The following RASGRF2 variants were observed in gnomAD, a reference collection of about 807,000 sequenced individuals.
RASGRF2 encodes ras-specific guanine nucleotide-releasing factor 2.
RASGRF2 carries 76 observed loss-of-function variants against 151.0 expected under a neutral mutation model. That is an observed-to-expected ratio of 0.50 (90% CI 0.42 to 0.61). The LOEUF (loss-of-function observed/expected upper bound fraction) is 0.61, where lower values mean the gene tolerates loss of function less well. Ranked by LOEUF, RASGRF2 falls within the 20% of genes least tolerant of loss-of-function variation. The pLI is 0.00. For synonymous variants in RASGRF2, 504 were observed against 566.5 expected, an observed-to-expected ratio of 0.89 and a Z score of 1.57; for missense variants, 1,148 against 1,564.6, an observed-to-expected ratio of 0.73 and a Z score of 4.49.
At chr5:81,121,634 G>A (rs544795305) in intron 15 of RASGRF2, among the ~76,000 whole-genome samples, 25 of 152,298 alleles carry the variant, frequency 1.6e-4, no homozygotes, top group Admixed American at 3.3e-4. Context: ...CCTCACGTCT[G>A]TTCCAGACTC....
At chr5:81,152,176 A>AT (rs1754152697) in intron 17 of RASGRF2, among the ~76,000 whole-genome samples, 2 of 151,924 alleles carry the variant, frequency 1.3e-5, no homozygotes, top group Non-Finnish European at 2.9e-5. Context: ...TAATTTTTGT[A>AT]TTTTTGGTAG....
At chr5:81,000,239 T>C (rs1003779233) in intron 1 of RASGRF2, among the ~76,000 whole-genome samples, 4 of 152,202 alleles carry the variant, frequency 2.6e-5, no homozygotes, top group Admixed American at 6.5e-5. Flanking sequence ...ATGCTTTCCT[T>C]TAAGTTCCAA....
chr5:81,202,396 C>T (rs1313468340), intron 19 of RASGRF2, among the ~76,000 whole-genome samples: 1 of 152,194 alleles, frequency 6.6e-6, no homozygotes, highest in South Asian at 2.1e-4. Context: ...TTTGTGTCAT[C>T]CACAGGCAGT....
chr5:80,991,807 C>G (rs1013814391), intron 1 of RASGRF2, among the ~76,000 whole-genome samples: 1 of 152,094 alleles, frequency 6.6e-6, no homozygotes, highest in Non-Finnish European at 1.5e-5. Context: ...TTTTGAGCAC[C>G]TGTAGCTTAC....
At chr5:81,183,118 A>C in intron 18 of RASGRF2, 5 of 912,622 alleles carry the variant, frequency 5.5e-6, no homozygotes, top group Non-Finnish European at 6.5e-6. Flanking sequence ...AGTTGTACTC[A>C]TCTCAAAACT....
chr5:81,197,462 C>CAAAA lies in RASGRF2; in HGVS notation c.2794-3846_2794-3843dup, dbSNP rs10674027. Among the ~76,000 whole-genome samples, 521 of 63,590 alleles carry CAAAA rather than the reference C, an allele frequency of 8.2e-3. 34 individuals are homozygous for CAAAA. The highest frequency in any genetic ancestry group is 0.021 in the Middle Eastern group (1 of 48). 41.7% of individuals were successfully genotyped at this position (63,590 alleles called of 152,430 possible). The stretch of plus-strand genomic sequence containing the variant: ...TGGGCGACAGAGCGAGACTCCGTCT[C>CAAAA]AAAAAAAAAAAAAAAAAAAAAAAAA... On this transcript the variant is annotated intron_variant, in intron 18 of 26. Transcript: ENST00000265080.
chr5:81,126,492 T>C (rs1240011991), intron 16 of RASGRF2, among the ~76,000 whole-genome samples: 1 of 152,154 alleles, frequency 6.6e-6, no homozygotes, highest in Non-Finnish European at 1.5e-5. Context: ...TTCTAGAACA[T>C]TTTCATCACC....
chr5:81,033,136 C>G (rs1324620847), intron 1 of RASGRF2, among the ~76,000 whole-genome samples: 7 of 150,240 alleles, frequency 4.7e-5, no homozygotes, highest in Admixed American at 1.3e-4. Context: ...CACTGCTCAA[C>G]GAAATAAAAG....
chr5:81,187,000 A>G (rs1056878721), intron 18 of RASGRF2, among the ~76,000 whole-genome samples: 1 of 152,248 alleles, frequency 6.6e-6, no homozygotes, highest in Non-Finnish European at 1.5e-5. Flanking sequence ...GAGTTAAAAC[A>G]TACAGAGTAG....
chr5:81,191,086 A>G (rs1250298295), intron 18 of RASGRF2, among the ~76,000 whole-genome samples: 1 of 152,200 alleles, frequency 6.6e-6, no homozygotes, highest in African/African-American at 2.4e-5. Context: ...ATGGGGAACA[A>G]TGATCCTGAC....
chr5:81,120,541 C>T (rs1753278345), intron 15 of RASGRF2, among the ~76,000 whole-genome samples: 1 of 152,176 alleles, frequency 6.6e-6, no homozygotes, highest in African/African-American at 2.4e-5. Context: ...TCTGATCATA[C>T]CACTGCATTC....
At chr5:81,041,662 GATT>G (rs1750682846) in intron 1 of RASGRF2, among the ~76,000 whole-genome samples, 2 of 152,126 alleles carry the variant, frequency 1.3e-5, no homozygotes, top group South Asian at 4.1e-4. Context: ...TTGGTTATAT[GATT>G]ATCTCTGTTG....
intron 17 of RASGRF2, among the ~76,000 whole-genome samples, chr5:81,128,293 C>CA (rs1385381452): frequency 1.3e-5 from 2 of 152,048 alleles, no homozygotes; most frequent in East Asian, 1.9e-4. Context: ...GCTCTCCCCA[C>CA]AAAAAAATGG....
At chr5:81,112,486 C>T in intron 13 of RASGRF2, 124 bp from the exon 14 acceptor site, 1 of 1,278,714 alleles carries the variant, frequency 7.8e-7, no homozygotes, top group Non-Finnish European at 1.1e-6. Flanking sequence ...GCAATTATCT[C>T]TCTCCTATCA....
In RASGRF2 at chr5:81,129,288, T is replaced by C. The variant is rs148215723; in HGVS notation, c.2686+2125T>C. Among the ~76,000 whole-genome samples the C allele has an allele frequency of 1.7e-3, 264 of 152,326 alleles. 1 individual carries two copies. Among genetic ancestry groups the C allele is most frequent in the African/African-American group, 6.0e-3 (250 of 41,578 alleles). On this transcript the variant is annotated intron_variant, in intron 17 of 26. Coordinates refer to ENST00000265080, the MANE Select transcript of RASGRF2 (RefSeq NM_006909.3). ...GCTAATTAGCCATTTTTCACCTTTGTGGTAACAAAGGAATCCTTTCCAAAG... is the reference window on the plus strand; with the variant it reads ...GCTAATTAGCCATTTTTCACCTTTGCGGTAACAAAGGAATCCTTTCCAAAG...
At chr5:81,052,455 T>G (rs2112415990) in intron 2 of RASGRF2, among the ~76,000 whole-genome samples, 1 of 152,280 alleles carries the variant, frequency 6.6e-6, no homozygotes, top group East Asian at 1.9e-4. Context: ...AGGAGCAATG[T>G]TTAGAAGAGG....
chr5:80,992,498 G>A (rs963499350), intron 1 of RASGRF2, among the ~76,000 whole-genome samples: 2 of 152,190 alleles, frequency 1.3e-5, no homozygotes, highest in African/African-American at 4.8e-5. Context: ...GAAGAGAATA[G>A]GAGGGAGATA....
chr5:81,187,286 A>G, intron 18 of RASGRF2, among the ~76,000 whole-genome samples: 1 of 152,254 alleles, frequency 6.6e-6, no homozygotes, highest in East Asian at 1.9e-4. Flanking sequence ...AGCATGGCTA[A>G]AAAGCTGGAG....
At position 81,229,210 on chromosome 5, in the gene RASGRF2, A is replaced by G. The variant is rs905594464; in HGVS notation, c.*3440A>G. 1 of 152,190 alleles carries G rather than the reference A, an allele frequency of 6.6e-6. No individual in the cohort carries two copies. Among genetic ancestry groups the G allele is most frequent in the African/African-American group, 2.4e-5 (1 of 41,446 alleles). The allele number at this position is 152,190 out of a possible 1,614,324, so 9.4% of individuals were successfully genotyped here. ...TTGAAAAAAAATCTCTTCACTTTAA[A>G]GTATAAAGGTTTTTAAAAATCCAAT... On this transcript the variant is annotated 3_prime_UTR_variant, in exon 27 of 27. Coordinates refer to ENST00000265080, the MANE Select transcript of RASGRF2 (RefSeq NM_006909.3).
Sources: allele counts gnomAD v4.1 joint callset (sites outside exome capture counted in the v4.1 genomes callset), GRCh38; gene constraint gnomAD v4.1.1; transcripts MANE v1.5; gene names NCBI Gene and HGNC (gene_info 2026-07-23, HGNC 2026-07-21).